MCC: variants seen among roughly 807,000 people sequenced by gnomAD.
MCC encodes the protein colorectal mutant cancer protein.
Under a neutral mutation model 116.2 loss-of-function variants are expected in MCC, and 90 were observed. The ratio of observed to expected loss-of-function variants is 0.77; its 90% confidence interval spans 0.65 to 0.92. The LOEUF is 0.92. MCC is among the 40% of genes least tolerant of loss of function. The pLI, the probability that MCC is intolerant of heterozygous loss-of-function variation, is 0.00. For missense variants in MCC, 1,516 were observed against 1,312.2 expected (o/e 1.16, Z -2.40); for synonymous variants, 578 against 510.5 (o/e 1.13, Z -1.78).
chr5:113,038,848 C>G lies in MCC; in HGVS notation c.2756+4682G>C, dbSNP rs556827578. Among the ~76,000 whole-genome samples the G allele has an allele frequency of 3.3e-5, 5 of 152,292 alleles. No homozygotes were observed. The South Asian group carries it at 1.0e-3, about 32-fold the overall frequency. ...CTTCTGGTGGATGAGTCAGGGGCAT[C>G]CTGTCCCTGGACAGAACGGCCACTG... is the stretch of plus-strand genomic sequence containing the variant. On this transcript the variant is annotated intron_variant, in intron 17 of 18. Transcript: ENST00000408903.
Position 113,101,901 on chromosome 5 carries a change from G to A in MCC, c.1236C>T (p.Pro412=), listed in dbSNP as rs12189139. The part of the protein sequence containing the change: ...IEGVLGRDLY[P]NLAEERSRWE... ...ACCGAGACCTCTCTTCAGCCAGGTT[G>A]GGATACAGGTCCCGGCCAAGCACCC... Residue 412 remains proline, a synonymous_variant, in exon 8 of 19, where the codon CCC becomes CCT. Transcript: ENST00000408903. 1.9e-5 allele frequency: 31 copies of A among 1,613,734 alleles called. No homozygotes were observed. The highest frequency in any genetic ancestry group is 2.5e-5 in the Non-Finnish European group (30 of 1,180,004).
At chr5:113,451,561 C>G (rs557703404) in intron 1 of MCC, among the ~76,000 whole-genome samples, 254 of 152,268 alleles carry the variant, frequency 1.7e-3, no homozygotes, top group Non-Finnish European at 2.6e-3. Context: ...ATGGAGAGAC[C>G]TCGTCTCTAC....
At chr5:113,363,525 A>C (rs1030127280) in intron 2 of MCC, among the ~76,000 whole-genome samples, 1 of 152,088 alleles carries the variant, frequency 6.6e-6, no homozygotes. Flanking sequence ...ACCAAATCTC[A>C]TGAGAACTCA....
At chr5:113,370,303 T>G (rs1431051385) in intron 2 of MCC, among the ~76,000 whole-genome samples, 3 of 152,190 alleles carry the variant, frequency 2.0e-5, no homozygotes, top group African/African-American at 7.2e-5. Context: ...GTTTTTCCCT[T>G]TGGACACTGA....
chr5:113,244,419 T>C (rs1426247199), intron 3 of MCC, among the ~76,000 whole-genome samples: 2 of 152,264 alleles, frequency 1.3e-5, no homozygotes, highest in Non-Finnish European at 2.9e-5. Context: ...AATTATGTAA[T>C]ACTCTATATA....
chr5:113,464,496 C>A (rs551718474), intron 1 of MCC, among the ~76,000 whole-genome samples: 10 of 152,308 alleles, frequency 6.6e-5, no homozygotes, highest in African/African-American at 2.4e-4. Context: ...TCATCAAGGT[C>A]TCTCCTAACT....
chr5:113,216,394 C>T (rs1032403269), intron 3 of MCC, among the ~76,000 whole-genome samples: 6 of 152,162 alleles, frequency 3.9e-5, no homozygotes, highest in Non-Finnish European at 7.3e-5. Context: ...TAACCTGACA[C>T]GTTCTTTGTC....
intron 1 of MCC, among the ~76,000 whole-genome samples, chr5:113,418,909 G>A (rs1045355500): frequency 6.6e-5 from 10 of 152,116 alleles, no homozygotes; most frequent in African/African-American, 2.4e-4. Flanking sequence ...TCCTCTTCGT[G>A]TCTCTCCCAG....
intron 3 of MCC, among the ~76,000 whole-genome samples, chr5:113,203,548 C>G (rs991346651): frequency 1.3e-5 from 2 of 152,038 alleles, no homozygotes; most frequent in African/African-American, 4.8e-5. Context: ...GAATACTCCC[C>G]GAGCGCATAC....
chr5:113,427,039 A>G (rs1000373351), intron 1 of MCC, among the ~76,000 whole-genome samples: 2 of 152,270 alleles, frequency 1.3e-5, no homozygotes, highest in South Asian at 2.1e-4. Context: ...CCTAATTGAT[A>G]TATTTTTTCT....
chr5:113,445,139 G>A (rs1461929948), intron 1 of MCC, among the ~76,000 whole-genome samples: 1 of 152,124 alleles, frequency 6.6e-6, no homozygotes, highest in Non-Finnish European at 1.5e-5. Flanking sequence ...TTCCAAGAAG[G>A]CTGAAGTACC....
At chr5:113,348,824 T>A (rs1768195981) in intron 2 of MCC, among the ~76,000 whole-genome samples, 1 of 151,102 alleles carries the variant, frequency 6.6e-6, no homozygotes, top group Non-Finnish European at 1.5e-5. Flanking sequence ...AGACTAAGAA[T>A]AAAAAAAGAG....
intron 15 of MCC, among the ~76,000 whole-genome samples, chr5:113,052,048 T>A (rs4235784): frequency 0.98 from 148,911 of 152,276 alleles, 72,820 homozygotes; most frequent in East Asian, 1. Context: ...ATTGTTCTCC[T>A]CCCAGCTTTT....
chr5:113,062,410 A>C (rs527836819), intron 14 of MCC, among the ~76,000 whole-genome samples: 8 of 152,354 alleles, frequency 5.3e-5, no homozygotes, highest in African/African-American at 1.9e-4. Context: ...TCTCTGATTC[A>C]GAATAAAACC....
At chr5:113,479,299 T>C (rs1236512139) in intron 1 of MCC, among the ~76,000 whole-genome samples, 5 of 152,086 alleles carry the variant, frequency 3.3e-5, no homozygotes, top group African/African-American at 9.7e-5. Flanking sequence ...AGCAGATCAG[T>C]GGTTGCAGGG....
At chr5:113,308,697 G>C (rs972949685) in intron 3 of MCC, among the ~76,000 whole-genome samples, 9 of 152,100 alleles carry the variant, frequency 5.9e-5, no homozygotes, top group Admixed American at 2.6e-4. Context: ...CCTGGTCCCA[G>C]CTACTCAGGA....
rs779948669 is a variant in MCC, at chr5:113,101,792, T to C, written c.1345A>G (p.Thr449Ala). The C allele has an allele frequency of 7.4e-6, 12 of 1,613,528 alleles. No homozygotes were observed. Among genetic ancestry groups the C allele is most frequent in the Middle Eastern group, 1.6e-4 (1 of 6,062 alleles). Residue 449 changes from threonine (T) to alanine (A), a missense_variant, in exon 8 of 19, where the codon ACT becomes GCT. Transcript: ENST00000408903. ...LCSKEEELNRTKATMNAIREE... is the reference protein window; with the variant it reads ...LCSKEEELNRAKATMNAIREE... Reference sequence around the variant, plus strand: ...CGGATGGCATTCATGGTGGCCTTAGTCCGGTTCAGTTCTTCCTCTTTGCTG... The same window carrying C: ...CGGATGGCATTCATGGTGGCCTTAGCCCGGTTCAGTTCTTCCTCTTTGCTG...
intron 3 of MCC, among the ~76,000 whole-genome samples, chr5:113,292,004 C>T (rs1203422095): frequency 6.6e-6 from 1 of 152,116 alleles, no homozygotes; most frequent in African/African-American, 2.4e-5. Context: ...CCGAGGCAGG[C>T]GGATCTCTTT....
intron 3 of MCC, among the ~76,000 whole-genome samples, chr5:113,263,994 AC>A (rs2150349723): frequency 6.6e-6 from 1 of 152,258 alleles, no homozygotes; most frequent in African/African-American, 2.4e-5. Context: ...TGCCTAAGTC[AC>A]GCATCTCATC....
Sources: gnomAD v4.1 joint callset for allele counts (sites outside exome capture counted in the v4.1 genomes callset) on GRCh38, gnomAD v4.1.1 for gene constraint, MANE v1.5 for transcripts, NCBI Gene and HGNC (gene_info 2026-07-23, HGNC 2026-07-21) for gene names.